MSRA: variants seen among roughly 807,000 people sequenced by gnomAD.
MSRA encodes the protein methionine sulfoxide reductase A.
In MSRA, 54 loss-of-function variants were observed where a neutral mutation model predicts 31.3. The ratio of observed to expected loss-of-function variants is 1.73; its 90% CI spans 1.39 to 2.17. The LOEUF is 2.17. Ranked by LOEUF, MSRA falls within the 30% of genes most tolerant of loss-of-function variation. MSRA has a pLI of 0.00. For synonymous variants in MSRA, 169 were observed against 116.5 expected (o/e 1.45, Z -2.90); for missense variants, 507 against 300.9 (o/e 1.69, Z -5.07).
intron 1 of MSRA, among the ~76,000 whole-genome samples, chr8:10,071,284 T>C (rs1308482883): frequency 6.6e-6 from 1 of 152,162 alleles, no homozygotes; most frequent in Non-Finnish European, 1.5e-5. Flanking sequence ...ATGTGCTTGT[T>C]TGTCATTTGT....
At chr8:10,369,665 A>G (rs1047719344) in intron 5 of MSRA, among the ~76,000 whole-genome samples, 6 of 152,222 alleles carry the variant, frequency 3.9e-5, no homozygotes, top group Admixed American at 2.0e-4. Context: ...AATGAGGCAT[A>G]GGTTAAAATA....
At chr8:10,157,850 A>C (rs536970618) in intron 1 of MSRA, among the ~76,000 whole-genome samples, 8 of 151,986 alleles carry the variant, frequency 5.3e-5, no homozygotes, top group African/African-American at 1.9e-4. Context: ...CTATCTTTTA[A>C]TAACAGCTGT....
At chr8:10,123,749 A>G (rs867679469) in intron 1 of MSRA, among the ~76,000 whole-genome samples, 1 of 152,148 alleles carries the variant, frequency 6.6e-6, no homozygotes, top group Non-Finnish European at 1.5e-5. Context: ...TTTATGGAAT[A>G]GGGAGTCCTT....
In MSRA at chr8:10,320,123, G is replaced by A. The variant is rs542943246; in HGVS notation, c.543+134G>A. ...GCACATCTCTTAGAAATTTCTGTCA[G>A]CCTCTAGGAGTGGAGCCATTGTGTC... On this transcript the variant is annotated intron_variant, in intron 5 of 5. Transcript: ENST00000317173. The A allele has an allele frequency of 2.0e-5, 12 of 590,960 alleles. No homozygotes were observed. In the East Asian group the frequency reaches 3.3e-4, roughly 16 times the overall value. 36.6% of individuals were successfully genotyped at this position (590,960 alleles called of 1,614,324 possible). A position where few individuals can be genotyped will look rare whatever the true frequency, so the allele number is the denominator to read the frequency against.
intron 5 of MSRA, among the ~76,000 whole-genome samples, chr8:10,388,704 C>T (rs944230267): frequency 6.6e-6 from 1 of 152,064 alleles, no homozygotes; most frequent in African/African-American, 2.4e-5. Context: ...GAGCTAATAT[C>T]ATATTTAATG....
intron 1 of MSRA, among the ~76,000 whole-genome samples, chr8:10,182,402 A>T (rs1416872508): frequency 6.6e-6 from 1 of 152,176 alleles, no homozygotes; most frequent in East Asian, 1.9e-4. Flanking sequence ...TGGGTCAGGA[A>T]TCCGGACACA....
chr8:10,209,090 T>A (rs1334660253), intron 2 of MSRA, among the ~76,000 whole-genome samples: 1 of 152,164 alleles, frequency 6.6e-6, no homozygotes, highest in Non-Finnish European at 1.5e-5. Context: ...AACATACTGA[T>A]CAGTGATGAG....
intron 1 of MSRA, among the ~76,000 whole-genome samples, chr8:10,073,629 C>G (rs551563903): frequency 1.3e-5 from 2 of 152,142 alleles, no homozygotes; most frequent in Non-Finnish European, 1.5e-5. Context: ...TCCACACACT[C>G]TTACTCTAAT....
chr8:10,166,061 A>C (rs1178550674), intron 1 of MSRA, among the ~76,000 whole-genome samples: 1 of 152,164 alleles, frequency 6.6e-6, no homozygotes, highest in Non-Finnish European at 1.5e-5. Context: ...TGGACCCTCA[A>C]GGCAGCGAAT....
At chr8:10,206,787 C>T (rs894881749) in intron 1 of MSRA, among the ~76,000 whole-genome samples, 3 of 152,250 alleles carry the variant, frequency 2.0e-5, no homozygotes, top group Non-Finnish European at 2.9e-5. Context: ...CCTCCGTCCA[C>T]ATGGCAGGAC....
chr8:10,141,681 A>G (rs2129031300), intron 1 of MSRA, among the ~76,000 whole-genome samples: 1 of 151,344 alleles, frequency 6.6e-6, no homozygotes, highest in African/African-American at 2.4e-5. Flanking sequence ...GATAAATGGG[A>G]CCAGAGTGAA....
At chr8:10,168,206 C>T (rs1805309950) in intron 1 of MSRA, among the ~76,000 whole-genome samples, 1 of 152,164 alleles carries the variant, frequency 6.6e-6, no homozygotes, top group African/African-American at 2.4e-5. Flanking sequence ...CATGTAAAAT[C>T]ATTAATACAG....
rs564477302 is a variant in MSRA, at chr8:10,261,640, C to G, written c.331+16417C>G. 4.6e-5 allele frequency among the ~76,000 whole-genome samples: 7 copies of G among 152,290 alleles called. No individual in the cohort carries two copies. The South Asian group carries it at 1.4e-3, about 32-fold the overall frequency. The stretch of plus-strand genomic sequence containing the variant: ...CCAATGTTACCGCCTGCCACACATA[C>G]ATCCATTTTCTTGGCTATTAACATC... On this transcript the variant is annotated intron_variant, in intron 3 of 5. Transcript: ENST00000317173.
At chr8:10,225,437 G>A (rs867832406) in intron 2 of MSRA, among the ~76,000 whole-genome samples, 31 of 152,296 alleles carry the variant, frequency 2.0e-4, no homozygotes, top group South Asian at 1.7e-3. Flanking sequence ...TTGGGGCCTA[G>A]TCTCAAATAT....
intron 5 of MSRA, among the ~76,000 whole-genome samples, chr8:10,399,719 G>A (rs1391816350): frequency 6.6e-6 from 1 of 152,174 alleles, no homozygotes; most frequent in Admixed American, 6.5e-5. Context: ...GCCCTATATA[G>A]GAGGGTGCAA....
chr8:10,396,233 A>C (rs965398505), intron 5 of MSRA, among the ~76,000 whole-genome samples: 1 of 152,106 alleles, frequency 6.6e-6, no homozygotes, highest in African/African-American at 2.4e-5. Context: ...CGTTTCCTGC[A>C]CTCAGCCACT....
chr8:10,302,052 AG>A (rs1201065289), intron 4 of MSRA, among the ~76,000 whole-genome samples: 1 of 152,172 alleles, frequency 6.6e-6, no homozygotes, highest in Non-Finnish European at 1.5e-5. Context: ...TGACGTTATC[AG>A]GTTGGATTTT....
chr8:10,158,844 C>A (rs1005873539), intron 1 of MSRA, among the ~76,000 whole-genome samples: 1 of 152,150 alleles, frequency 6.6e-6, no homozygotes, highest in South Asian at 2.1e-4. Flanking sequence ...TTTTCAGTCC[C>A]ACCTGCAGAG....
At chr8:10,147,725 A>G (rs887049359) in intron 1 of MSRA, among the ~76,000 whole-genome samples, 2 of 152,286 alleles carry the variant, frequency 1.3e-5, no homozygotes, top group East Asian at 3.9e-4. Context: ...ACCAGCTCAC[A>G]GGCAGGGAAG....
Sources: allele counts gnomAD v4.1 joint callset (sites outside exome capture counted in the v4.1 genomes callset), GRCh38; gene constraint gnomAD v4.1.1; transcripts MANE v1.5; gene names NCBI Gene and HGNC (gene_info 2026-07-23, HGNC 2026-07-21).